The following FGD4 variants were observed in gnomAD, a reference collection of about 807,000 sequenced individuals.
The protein encoded by FGD4 is FYVE, RhoGEF and PH domain containing 4.
FGD4 carries 42 observed loss-of-function variants against 102.0 expected under a neutral mutation model. That is an observed-to-expected ratio of 0.41 (90% CI 0.32 to 0.53). The LOEUF is 0.53. Among genes scored for constraint, FGD4 ranks in the 20% least tolerant of loss-of-function variants. The pLI, the probability that FGD4 is intolerant of heterozygous loss-of-function variation, is 0.21. For synonymous variants in FGD4, 380 were observed against 375.7 expected (o/e 1.01, Z -0.13); for missense variants, 902 against 1,078.2 (o/e 0.84, Z 2.29).
intron 1 of FGD4, among the ~76,000 whole-genome samples, chr12:32,533,285 G>A (rs1402295847): frequency 2.0e-5 from 3 of 152,190 alleles, no homozygotes; most frequent in Admixed American, 1.3e-4. Flanking sequence ...TGATTCAAGT[G>A]CACACTAGAG....
rs1373491531 is a variant in FGD4 at position 32,642,661 on chromosome 12, C to G, written c.*2128C>G. The stretch of plus-strand genomic sequence containing the variant: ...ATAATGTTTATTATCATGCTCTTAA[C>G]AGTCATTATCTTTAATTTTTTAAAT... On this transcript the variant is annotated 3_prime_UTR_variant, in exon 17 of 17. Coordinates refer to ENST00000534526, the MANE Select transcript of FGD4 (RefSeq NM_001370298.3). The G allele has an allele frequency of 1.3e-5, 2 of 151,966 alleles. No individual in the cohort carries two copies. The allele number at this position is 151,966 out of a possible 1,614,324, so 9.4% of individuals were successfully genotyped here.
At chr12:32,424,027 T>G (rs966101838) in intron 1 of FGD4, among the ~76,000 whole-genome samples, 20 of 152,164 alleles carry the variant, frequency 1.3e-4, no homozygotes, top group Admixed American at 9.2e-4. Flanking sequence ...GTTCTCTAGG[T>G]TCATCCATGC....
intron 7 of FGD4, among the ~76,000 whole-genome samples, chr12:32,606,460 C>CT (rs1449298198): frequency 3.1e-5 from 4 of 129,530 alleles, no homozygotes; most frequent in Admixed American, 7.9e-5. Context: ...TTTTCCTCTA[C>CT]TTATTTTTTT....
intron 14 of FGD4, among the ~76,000 whole-genome samples, chr12:32,626,312 C>T (rs1239651103): frequency 2.6e-5 from 4 of 152,044 alleles, no homozygotes; most frequent in East Asian, 1.9e-4. Flanking sequence ...GGCGTGGCGG[C>T]GCATGCCTGT....
chr12:32,465,666 T>TA lies in FGD4; in HGVS notation c.166+65721dup, dbSNP rs753666600. Among the ~76,000 whole-genome samples, 356 of 141,838 alleles carry TA rather than the reference T, an allele frequency of 2.5e-3. 1 individual carries two copies. Among genetic ancestry groups the TA allele is most frequent in the African/African-American group, 4.4e-3 (172 of 38,710 alleles). 93.1% of individuals were successfully genotyped at this position (141,838 alleles called of 152,430 possible). On this transcript the variant is annotated intron_variant, in intron 1 of 16. Coordinates refer to ENST00000534526, the MANE Select transcript of FGD4 (RefSeq NM_001370298.3). ...CTGGCGACAGAGCAAGACAACGTCT[T>TA]AAAAAAAAAAAAAATCAAAGAAAGA...
At chr12:32,500,599 A>G (rs1938146156) in intron 1 of FGD4, among the ~76,000 whole-genome samples, 1 of 151,672 alleles carries the variant, frequency 6.6e-6, no homozygotes, top group Non-Finnish European at 1.5e-5. Context: ...ATGCCCGGCT[A>G]ATTTTTGTAT....
chr12:32,524,272 C>T (rs1940881706), intron 1 of FGD4, among the ~76,000 whole-genome samples: 2 of 148,150 alleles, frequency 1.3e-5, no homozygotes, highest in Non-Finnish European at 1.5e-5. Flanking sequence ...GGCGTCAGTC[C>T]GTAGTCCCAG....
intron 1 of FGD4, among the ~76,000 whole-genome samples, chr12:32,550,495 C>A (rs905692636): frequency 2.6e-5 from 4 of 151,614 alleles, no homozygotes; most frequent in African/African-American, 7.3e-5. Context: ...AATAGTGGGA[C>A]CCCGTCTCTA....
chr12:32,411,427 A>G lies in FGD4; in HGVS notation c.166+11468A>G, dbSNP rs1192156945. On this transcript the variant is annotated intron_variant, in intron 1 of 16. Coordinates refer to ENST00000534526, the MANE Select transcript of FGD4 (RefSeq NM_001370298.3). ...CACACGCCTGTAATCCCAGCTACAC[A>G]GGAGGCTGAGGCAGGAGAATTGCTT... Among the ~76,000 whole-genome samples the G allele has an allele frequency of 2.6e-5, 4 of 151,754 alleles. No individual in the cohort carries two copies. The South Asian group carries it at 8.3e-4, about 32-fold the overall frequency.
At chr12:32,453,903 T>C (rs1942879355) in intron 1 of FGD4, among the ~76,000 whole-genome samples, 2 of 152,120 alleles carry the variant, frequency 1.3e-5, no homozygotes, top group Non-Finnish European at 1.5e-5. Flanking sequence ...CTGATTTGCA[T>C]CTAAAAATAT....
intron 1 of FGD4, among the ~76,000 whole-genome samples, chr12:32,452,231 T>C (rs1426915413): frequency 6.6e-6 from 1 of 152,226 alleles, no homozygotes; most frequent in Non-Finnish European, 1.5e-5. Flanking sequence ...AACAGTTGTA[T>C]AGGAAAAAAA....
At chr12:32,608,675 T>G (rs1015460264) in intron 8 of FGD4, among the ~76,000 whole-genome samples, 1 of 152,228 alleles carries the variant, frequency 6.6e-6, no homozygotes, top group Non-Finnish European at 1.5e-5. Flanking sequence ...TCAATAATAC[T>G]TTACCTTTTT....
At position 32,590,238 on chromosome 12, in the gene FGD4, A is replaced by T. The variant is rs143155178; in HGVS notation, c.1011+7771A>T. Among the ~76,000 whole-genome samples, 1,159 of 148,454 alleles carry T rather than the reference A, an allele frequency of 7.8e-3. 18 individuals carry two copies. Among genetic ancestry groups the T allele is most frequent in the African/African-American group, 0.026 (1,035 of 40,280 alleles). On this transcript the variant is annotated intron_variant, in intron 4 of 16. Coordinates refer to ENST00000534526, the MANE Select transcript of FGD4 (RefSeq NM_001370298.3). The stretch of plus-strand genomic sequence containing the variant: ...GGCAGGAGAATCACTTGAACCCGAG[A>T]GGCAGAGTTTGCAGTGAGCCGAGAT...
At chr12:32,592,799 T>C (rs1169065528) in intron 4 of FGD4, among the ~76,000 whole-genome samples, 2 of 152,208 alleles carry the variant, frequency 1.3e-5, no homozygotes, top group East Asian at 3.8e-4. Context: ...AATGACTGTA[T>C]TTTGTATACC....
chr12:32,409,469 A>G (rs1304609230), intron 1 of FGD4, among the ~76,000 whole-genome samples: 1 of 151,826 alleles, frequency 6.6e-6, no homozygotes, highest in Non-Finnish European at 1.5e-5. Flanking sequence ...TTCTATTTTT[A>G]GTAGAGACGG....
intron 4 of FGD4, among the ~76,000 whole-genome samples, chr12:32,595,352 A>G (rs138970825): frequency 7.9e-5 from 12 of 152,286 alleles, no homozygotes; most frequent in Non-Finnish European, 1.2e-4. Context: ...GCCACAAGTA[A>G]CACTAAGCCC....
chr12:32,445,129 C>A (rs941114398), intron 1 of FGD4, among the ~76,000 whole-genome samples: 19 of 152,130 alleles, frequency 1.2e-4, no homozygotes, highest in Admixed American at 8.5e-4. Context: ...GAAGGTAGTT[C>A]AAAGGTCCTT....
intron 1 of FGD4, among the ~76,000 whole-genome samples, chr12:32,414,739 T>C (rs768070754): frequency 7.2e-5 from 11 of 152,222 alleles, no homozygotes; most frequent in Non-Finnish European, 1.5e-4. Context: ...CCATCCATGC[T>C]GTTGCAAATG....
chr12:32,600,580 C>CTTT (rs753429889), intron 5 of FGD4: 37 of 266,146 alleles, frequency 1.4e-4, no homozygotes, highest in African/African-American at 1.3e-3. Flanking sequence ...TTCTTTCTTT[C>CTTT]TTTCTTTCTT....
Sources: allele counts gnomAD v4.1 joint callset (sites outside exome capture counted in the v4.1 genomes callset), GRCh38; gene constraint gnomAD v4.1.1; transcripts MANE v1.5; gene names NCBI Gene and HGNC (gene_info 2026-07-23, HGNC 2026-07-21).